Variants in BMS1 observed in about 807,000 individuals in gnomAD.
The protein encoded by BMS1 is ribosome biogenesis protein BMS1 homolog.
In BMS1, 53 loss-of-function variants were observed where a neutral mutation model predicts 138.7. The ratio of observed to expected loss-of-function variants is 0.38; its 90% CI spans 0.31 to 0.48. The LOEUF (loss-of-function observed/expected upper bound fraction) is 0.48, where lower values mean the gene tolerates loss of function less well. BMS1 is among the 20% of genes least tolerant of loss of function. The pLI, the probability that BMS1 is intolerant of heterozygous loss-of-function variation, is 0.97. For missense variants in BMS1, 1,360 were observed against 1,565.5 expected (o/e 0.87, Z 2.22); for synonymous variants, 504 against 539.9 (o/e 0.93, Z 0.92).
chr10:42,829,631 G>C (rs1240844332), intron 21 of BMS1, among the ~76,000 whole-genome samples: 3 of 151,868 alleles, frequency 2.0e-5, no homozygotes, highest in Non-Finnish European at 4.4e-5. Flanking sequence ...AGACCAGCAT[G>C]ACCAACATGG....
In BMS1 at chr10:42,832,545, G is replaced by C. The variant is rs993840700; in HGVS notation, c.*1449G>C. On this transcript the variant is annotated 3_prime_UTR_variant, in exon 23 of 23. Coordinates refer to ENST00000374518, the MANE Select transcript of BMS1 (RefSeq NM_014753.4). ...GTTATAGTATGTGTGCTGCTGATAT[G>C]AGTGCCACATTGCCTTTACAACATC... is the stretch of plus-strand genomic sequence containing the variant. 3 of 152,204 alleles carry C rather than the reference G, an allele frequency of 2.0e-5. No homozygotes were observed. The highest frequency in any genetic ancestry group is 4.4e-5 in the Non-Finnish European group (3 of 68,062). 9.4% of individuals were successfully genotyped at this position (152,204 alleles called of 1,614,324 possible).
intron 13 of BMS1, among the ~76,000 whole-genome samples, chr10:42,803,104 C>T (rs1312217267): frequency 1.3e-5 from 2 of 152,132 alleles, no homozygotes; most frequent in Non-Finnish European, 2.9e-5. Flanking sequence ...CCACTGCAGC[C>T]TCAACCTCGC....
At chr10:42,786,644 C>G (rs1435029042) in intron 3 of BMS1, among the ~76,000 whole-genome samples, 1 of 150,644 alleles carries the variant, frequency 6.6e-6, no homozygotes, top group East Asian at 2.0e-4. Flanking sequence ...AGGCTGGTCT[C>G]AAAACTCCTG....
Position 42,830,408 on chromosome 10 carries a change from C to G in BMS1, c.3604C>G (p.Pro1202Ala), listed in dbSNP as rs1259107340. Residue 1202 changes from proline to alanine, a missense_variant, in exon 22 of 23, where the codon CCT becomes GCT. This residue lies in a region of BMS1 where 425 missense variants were observed against 568.3 expected (regional missense o/e 0.75). Transcript: ENST00000374518. Reference sequence around the variant, plus strand: ...GCGGAGACCGGCCGTCATACGCGAGCCTCATGAAAGAAAGGTACTGTTGCC... The same window carrying G: ...GCGGAGACCGGCCGTCATACGCGAGGCTCATGAAAGAAAGGTACTGTTGCC... Reference protein sequence around the residue: ...DRRRPAVIREPHERKILALLD... With the variant: ...DRRRPAVIREAHERKILALLD... The G allele has an allele frequency of 6.2e-7, 1 of 1,607,684 alleles. No individual in the cohort carries two copies. Among genetic ancestry groups the G allele is most frequent in the Non-Finnish European group, 8.5e-7 (1 of 1,178,628 alleles).
chr10:42,829,604 A>G (rs1431413320), intron 21 of BMS1, among the ~76,000 whole-genome samples: 1 of 152,102 alleles, frequency 6.6e-6, no homozygotes, highest in Non-Finnish European at 1.5e-5. Context: ...ACCTGAGGTC[A>G]GGAGTTCAAG....
chr10:42,832,497 ATGCTGACCTC>A lies in BMS1; in HGVS notation c.*1404_*1413del, dbSNP rs1419673482. The A allele has an allele frequency of 6.6e-6, 1 of 152,154 alleles. No individual in the cohort carries two copies. The highest frequency in any genetic ancestry group is 1.5e-5 in the Non-Finnish European group (1 of 68,046). 9.4% of individuals were successfully genotyped at this position (152,154 alleles called of 1,614,324 possible). On this transcript the variant is annotated 3_prime_UTR_variant, in exon 23 of 23. Transcript: ENST00000374518. The stretch of plus-strand genomic sequence containing the variant: ...TGTGTGTCATCTGTGCATGGGGCCC[ATGCTGACCTC>A]TGTGTTGTGCCAGTTATAGTATGTG...
At chr10:42,807,914 G>A (rs2132344438) in intron 13 of BMS1, among the ~76,000 whole-genome samples, 1 of 152,306 alleles carries the variant, frequency 6.6e-6, no homozygotes, top group East Asian at 1.9e-4. Context: ...TAGCAATTAT[G>A]TGAGTGATCC....
chr10:42,799,806 T>C (rs1035850265), intron 12 of BMS1, among the ~76,000 whole-genome samples: 10 of 152,252 alleles, frequency 6.6e-5, no homozygotes, highest in African/African-American at 2.4e-4. Flanking sequence ...TCCTCCTCCA[T>C]GCTTCCATAA....
intron 9 of BMS1, among the ~76,000 whole-genome samples, chr10:42,795,975 G>C (rs1416867912): frequency 6.6e-6 from 1 of 152,158 alleles, no homozygotes; most frequent in Non-Finnish European, 1.5e-5. Context: ...TGCTGGCCCA[G>C]ATTTGGCTGC....
chr10:42,828,579 T>C (rs1842721555), intron 21 of BMS1, among the ~76,000 whole-genome samples: 1 of 151,884 alleles, frequency 6.6e-6, no homozygotes. Flanking sequence ...GAGTTCCTGC[T>C]GTTCCACGTG....
In BMS1 at chr10:42,805,077, C is replaced by T. The variant is rs146788107; in HGVS notation, c.2329+2859C>T. 9.2e-5 allele frequency among the ~76,000 whole-genome samples: 14 copies of T among 152,230 alleles called. No homozygotes were observed. The East Asian group carries it at 2.7e-3, about 29-fold the overall frequency. On this transcript the variant is annotated intron_variant, in intron 13 of 22. Transcript: ENST00000374518. The stretch of plus-strand genomic sequence containing the variant: ...TGCATGTAAGAAATCTTTGCCTCAC[C>T]CAATGTCACAAATTGTCTCATATAT...
At chr10:42,790,533 G>T (rs1841469718) in intron 5 of BMS1, 22 bp downstream of exon 5, 3 of 1,610,386 alleles carry the variant, frequency 1.9e-6, no homozygotes, top group Non-Finnish European at 2.5e-6. Flanking sequence ...AATAATTGTT[G>T]GATACTAACA....
chr10:42,806,872 A>G (rs1275436576), intron 13 of BMS1, among the ~76,000 whole-genome samples: 2 of 152,168 alleles, frequency 1.3e-5, no homozygotes, highest in Admixed American at 1.3e-4. Flanking sequence ...ATACAGAGAA[A>G]AAAAAAGAAC....
intron 21 of BMS1, among the ~76,000 whole-genome samples, chr10:42,829,261 A>G (rs774131795): frequency 6.6e-6 from 1 of 152,038 alleles, no homozygotes; most frequent in Non-Finnish European, 1.5e-5. Flanking sequence ...CAGTGAGCCG[A>G]GATCATGCCA....
intron 13 of BMS1, among the ~76,000 whole-genome samples, chr10:42,806,424 T>C (rs1842011438): frequency 6.6e-6 from 1 of 152,218 alleles, no homozygotes; most frequent in African/African-American, 2.4e-5. Flanking sequence ...ATTTTGCTTA[T>C]TTTCCAAGTG....
At chr10:42,787,471 A>G (rs1314013896) in intron 4 of BMS1, among the ~76,000 whole-genome samples, 1 of 152,220 alleles carries the variant, frequency 6.6e-6, no homozygotes, top group African/African-American at 2.4e-5. Flanking sequence ...TCCAAAATCT[A>G]AAAGCAAATC....
At chr10:42,806,003 T>G (rs1335009730) in intron 13 of BMS1, among the ~76,000 whole-genome samples, 1 of 152,188 alleles carries the variant, frequency 6.6e-6, no homozygotes, top group Non-Finnish European at 1.5e-5. Flanking sequence ...TTTCACCAGG[T>G]TGGCCAGGCT....
intron 13 of BMS1, among the ~76,000 whole-genome samples, chr10:42,804,919 T>A (rs1841971790): frequency 6.6e-6 from 1 of 152,080 alleles, no homozygotes; most frequent in African/African-American, 2.4e-5. Flanking sequence ...GGTTTCGCCA[T>A]GTTGGTCAGG....
Position 42,832,638 on chromosome 10 carries a change from TAA to T in BMS1, c.*1544_*1545del, listed in dbSNP as rs1360448657. 1 of 152,080 alleles carries T rather than the reference TAA, an allele frequency of 6.6e-6. No individual in the cohort carries two copies. The highest frequency in any genetic ancestry group is 6.5e-5 in the Admixed American group (1 of 15,270). 9.4% of individuals were successfully genotyped at this position (152,080 alleles called of 1,614,324 possible). ...TAGTCTGAGAGGCTCTCTAAAAGCCTAAAGTCTGTAGGCAGGTGCTCAGCTTT... is the reference window on the plus strand; with the variant it reads ...TAGTCTGAGAGGCTCTCTAAAAGCCTAGTCTGTAGGCAGGTGCTCAGCTTT... On this transcript the variant is annotated 3_prime_UTR_variant, in exon 23 of 23. Transcript: ENST00000374518.
Sources: allele counts gnomAD v4.1 joint callset (sites outside exome capture counted in the v4.1 genomes callset), GRCh38; gene constraint gnomAD v4.1.1; regional missense constraint gnomAD v4.1.1; transcripts MANE v1.5; gene names NCBI Gene and HGNC (gene_info 2026-07-23, HGNC 2026-07-21).